NLN: variants seen among roughly 807,000 people sequenced by gnomAD.
The protein encoded by NLN is neurolysin.
NLN carries 64 observed loss-of-function variants against 79.9 expected under a neutral mutation model. That is an observed-to-expected ratio of 0.80 (90% confidence interval 0.65 to 0.99). NLN has a LOEUF of 0.99. Among genes scored for constraint, NLN ranks in the 50% least tolerant of loss-of-function variants. NLN has a pLI of 0.00. For synonymous variants in NLN, 267 were observed against 296.6 expected, an observed-to-expected ratio of 0.90 and a Z score of 1.02; for missense variants, 835 against 858.7, an observed-to-expected ratio of 0.97 and a Z score of 0.34.
intron 12 of NLN, among the ~76,000 whole-genome samples, chr5:65,812,963 C>T (rs1364188957): frequency 6.6e-6 from 1 of 152,184 alleles, no homozygotes; most frequent in Non-Finnish European, 1.5e-5. Flanking sequence ...TGATTTACAG[C>T]CCCCAATCTC....
chr5:65,820,181 G>A (rs149703336), intron 12 of NLN, among the ~76,000 whole-genome samples: 1 of 152,218 alleles, frequency 6.6e-6, no homozygotes, highest in Non-Finnish European at 1.5e-5. Context: ...GTTCACATTT[G>A]GAGTGATTTT....
chr5:65,759,573 C>A (rs1266704472), intron 2 of NLN, among the ~76,000 whole-genome samples: 3 of 152,106 alleles, frequency 2.0e-5, no homozygotes, highest in African/African-American at 7.2e-5. Flanking sequence ...AGCTGATGTT[C>A]CAGCTCCAGT....
chr5:65,766,577 C>T (rs1759456586), intron 3 of NLN, among the ~76,000 whole-genome samples: 1 of 152,164 alleles, frequency 6.6e-6, no homozygotes, highest in Admixed American at 6.5e-5. Context: ...AAACTTTCAT[C>T]ACACCCCCAG....
intron 9 of NLN, among the ~76,000 whole-genome samples, chr5:65,796,611 G>C (rs1305088650): frequency 2.0e-5 from 3 of 152,088 alleles, no homozygotes; most frequent in Non-Finnish European, 4.4e-5. Flanking sequence ...ATCTCTTCTT[G>C]TCTATTAATC....
intron 1 of NLN, among the ~76,000 whole-genome samples, chr5:65,757,588 A>G (rs551065233): frequency 1.7e-4 from 24 of 144,944 alleles, no homozygotes; most frequent in Non-Finnish European, 3.0e-4. Context: ...CCCTAAAATT[A>G]TATGTACTTA....
At chr5:65,735,665 A>G (rs2561216) in intron 1 of NLN, among the ~76,000 whole-genome samples, 35,991 of 152,086 alleles carry the variant, frequency 0.24, 4,397 homozygotes, top group African/African-American at 0.27. Flanking sequence ...ATCTTTAGGA[A>G]CTACAAATGT....
At position 65,783,506 on chromosome 5, in the gene NLN, G is replaced by T. The variant is rs187890290; in HGVS notation, c.822+2085G>T. Among the ~76,000 whole-genome samples, 383 of 152,182 alleles carry T rather than the reference G, an allele frequency of 2.5e-3. 2 individuals are homozygous for T. Among genetic ancestry groups the T allele is most frequent in the African/African-American group, 8.9e-3 (371 of 41,512 alleles). On this transcript the variant is annotated intron_variant, in intron 6 of 12. Transcript: ENST00000380985. Reference sequence around the variant, plus strand: ...CCATTGTCCCATTGAGTATCACATGGCCACAGCTGGCTTTGAGGAAGGCTG... The same window carrying T: ...CCATTGTCCCATTGAGTATCACATGTCCACAGCTGGCTTTGAGGAAGGCTG...
chr5:65,825,974 T>C lies in NLN; in HGVS notation c.*3059T>C, dbSNP rs1286667993. 2 of 152,228 alleles carry C rather than the reference T, an allele frequency of 1.3e-5. No individual in the cohort carries two copies. The highest frequency in any genetic ancestry group is 2.9e-5 in the Non-Finnish European group (2 of 68,036). The allele number at this position is 152,228 out of a possible 1,614,324, so 9.4% of individuals were successfully genotyped here. A position where few individuals can be genotyped will look rare whatever the true frequency, so the allele number is the denominator to read the frequency against. On this transcript the variant is annotated 3_prime_UTR_variant, in exon 13 of 13. Coordinates refer to ENST00000380985, the MANE Select transcript of NLN (RefSeq NM_020726.5). ...TTAAAATACCATCATACTTCAGGCT[T>C]CTATAACAAAATATCAGACTGGGTG...
In NLN at chr5:65,734,425, C is replaced by A. The variant is rs1338913210; in HGVS notation, c.41+12011C>A. Reference sequence around the variant, plus strand: ...AATGCTGACTTGGCATCAATAAAGCCTTCAGGGACCTGTTTCCTAGACTCA... The same window carrying A: ...AATGCTGACTTGGCATCAATAAAGCATTCAGGGACCTGTTTCCTAGACTCA... On this transcript the variant is annotated intron_variant, in intron 1 of 12. Transcript: ENST00000380985. 4.3e-5 allele frequency among the ~76,000 whole-genome samples: 6 copies of A among 138,156 alleles called. 2 individuals carry two copies. The highest frequency in any genetic ancestry group is 1.7e-4 in the African/African-American group (6 of 36,184). The allele number at this position is 138,156 out of a possible 152,430, so 90.6% of individuals were successfully genotyped here. A position where few individuals can be genotyped will look rare whatever the true frequency, so the allele number is the denominator to read the frequency against.
At chr5:65,754,913 C>G (rs914115574) in intron 1 of NLN, among the ~76,000 whole-genome samples, 2 of 152,156 alleles carry the variant, frequency 1.3e-5, no homozygotes, top group Non-Finnish European at 2.9e-5. Context: ...TTTCTACTCC[C>G]GGGATCCACC....
At position 65,763,094 on chromosome 5, in the gene NLN, A is replaced by G. The variant is rs776959449; in HGVS notation, c.436A>G (p.Ile146Val). The change falls in exon 3 of 13, where the codon ATT (isoleucine) becomes GTT (valine). Residue 146 changes from isoleucine to valine, a missense_variant. Physicochemically the swap from Ile to Val is conservative, Grantham distance 29. Transcript: ENST00000380985. Reference sequence around the variant, plus strand: ...CATGAGAGGAGATATATTTGAGAGAATTGTTCATTTACAGGTAAGTGGTGT... The same window carrying G: ...CATGAGAGGAGATATATTTGAGAGAGTTGTTCATTTACAGGTAAGTGGTGT... Reference protein sequence around the residue: ...MSMRGDIFERIVHLQETCDLG... With the variant: ...MSMRGDIFERVVHLQETCDLG... The G allele has an allele frequency of 3.7e-6, 6 of 1,613,636 alleles. No individual in the cohort carries two copies. In the South Asian group the frequency reaches 4.4e-5, roughly 12 times the overall value.
rs1759768957 is a variant in NLN at position 65,780,216 on chromosome 5, G to A, written c.596G>A (p.Cys199Tyr). The change falls in exon 5 of 13, where the codon TGT becomes TAT. Residue 199 changes from cysteine (C) to tyrosine (Y), a missense_variant. Transcript: ENST00000380985. ...KSMKKRMSEL[C>Y]IDFNKNLNED... is the part of the protein sequence containing the mutation. ...ATGAAGAAAAGAATGAGTGAGCTATGTATTGATTTTAACAAAAACCTCAAT... is the reference window on the plus strand; with the variant it reads ...ATGAAGAAAAGAATGAGTGAGCTATATATTGATTTTAACAAAAACCTCAAT... The A allele has an allele frequency of 6.9e-7, 1 of 1,444,874 alleles. No homozygotes were observed. The highest frequency in any genetic ancestry group is 9.7e-7 in the Non-Finnish European group (1 of 1,034,276). The allele number at this position is 1,444,874 out of a possible 1,614,324, so 89.5% of individuals were successfully genotyped here. A position where few individuals can be genotyped will look rare whatever the true frequency, so the allele number is the denominator to read the frequency against.
At chr5:65,813,172 T>C (rs1760592032) in intron 12 of NLN, among the ~76,000 whole-genome samples, 1 of 152,184 alleles carries the variant, frequency 6.6e-6, no homozygotes, top group African/African-American at 2.4e-5. Context: ...TGTATTGAAA[T>C]ACATTGATGT....
chr5:65,827,060 A>G lies in NLN; in HGVS notation c.*4145A>G, dbSNP rs1008383157. 1.3e-5 allele frequency: 2 copies of G among 151,878 alleles called. No individual in the cohort carries two copies. Among genetic ancestry groups the G allele is most frequent in the Admixed American group, 6.6e-5 (1 of 15,200 alleles). 9.4% of individuals were successfully genotyped at this position (151,878 alleles called of 1,614,324 possible). A position where few individuals can be genotyped will look rare whatever the true frequency, so the allele number is the denominator to read the frequency against. On this transcript the variant is annotated 3_prime_UTR_variant, in exon 13 of 13. Transcript: ENST00000380985. ...TAAGTGATTATCTAGTATCAGCTGT[A>G]TCAAGGCAAAAGGTAAAGGTTATAA... is the stretch of plus-strand genomic sequence containing the variant.
intron 12 of NLN, 128 bp from the exon 13 acceptor site, chr5:65,822,653 G>T (rs1202988569): frequency 1.0e-5 from 7 of 691,432 alleles, no homozygotes; most frequent in Non-Finnish European, 1.8e-5. Flanking sequence ...GTGAGCAAGA[G>T]AAAACATCTA....
At position 65,738,626 on chromosome 5, in the gene NLN, A is replaced by T. The variant is rs564063870; in HGVS notation, c.41+16212A>T. On this transcript the variant is annotated intron_variant, in intron 1 of 12. Coordinates refer to ENST00000380985, the MANE Select transcript of NLN (RefSeq NM_020726.5). ...AGAATACAATATATTGTTAACTATA[A>T]TCATCATGTAGTACAATAGATCTTT... Among the ~76,000 whole-genome samples, 68 of 152,174 alleles carry T rather than the reference A, an allele frequency of 4.5e-4. 1 individual carries two copies. In the South Asian group the frequency reaches 0.013, roughly 28 times the overall value.
chr5:65,799,736 C>A lies in NLN; in HGVS notation c.1527+7081C>A, dbSNP rs187326521. Among the ~76,000 whole-genome samples the A allele has an allele frequency of 1.3e-4, 20 of 152,260 alleles. No individual in the cohort carries two copies. In the East Asian group the frequency reaches 3.7e-3, roughly 28 times the overall value. ...TCCAAATTATGTTATTTCCTGGGTC[C>A]TTTAAAGGATGATGGTGATACTGAA... On this transcript the variant is annotated intron_variant, in intron 9 of 12. Transcript: ENST00000380985.
chr5:65,748,638 C>T (rs1759036642), intron 1 of NLN, among the ~76,000 whole-genome samples: 2 of 151,894 alleles, frequency 1.3e-5, no homozygotes, highest in African/African-American at 4.8e-5. Context: ...GCCTATAGTC[C>T]CAGCTATTAG....
Position 65,827,401 on chromosome 5 carries a change from C to T in NLN, c.*4486C>T, listed in dbSNP as rs1760941409. 6.6e-6 allele frequency: 1 copy of T among 152,152 alleles called. No individual in the cohort carries two copies. The highest frequency in any genetic ancestry group is 6.5e-5 in the Admixed American group (1 of 15,276). The allele number at this position is 152,152 out of a possible 1,614,324, so 9.4% of individuals were successfully genotyped here. A position where few individuals can be genotyped will look rare whatever the true frequency, so the allele number is the denominator to read the frequency against. On this transcript the variant is annotated 3_prime_UTR_variant, in exon 13 of 13. Transcript: ENST00000380985. ...TATTTCATAGACCCCAGAGGCTCAC[C>T]TCAATTGTACTCCTATGATAAAATG...
Sources: gnomAD v4.1 joint callset for allele counts (sites outside exome capture counted in the v4.1 genomes callset) on GRCh38, gnomAD v4.1.1 for gene constraint, MANE v1.5 for transcripts, NCBI Gene and HGNC (gene_info 2026-07-23, HGNC 2026-07-21) for gene names.